IGSF11: variants seen among roughly 807,000 people sequenced by gnomAD.
IGSF11 encodes immunoglobulin superfamily member 11.
A neutral mutation model predicts 41.0 loss-of-function variants in IGSF11; 22 were observed. That is an observed-to-expected ratio of 0.54 (90% CI 0.38 to 0.77). IGSF11 has a LOEUF of 0.77. Ranked by LOEUF, IGSF11 falls within the 30% of genes least tolerant of loss-of-function variation. The pLI is 0.00. For synonymous variants in IGSF11, 219 were observed against 201.3 expected, an observed-to-expected ratio of 1.09 and a Z score of -0.74; for missense variants, 444 against 530.8, an observed-to-expected ratio of 0.84 and a Z score of 1.61.
chr3:118,956,159 A>C (rs1264139747), intron 1 of IGSF11, among the ~76,000 whole-genome samples: 1 of 152,138 alleles, frequency 6.6e-6, no homozygotes, highest in East Asian at 1.9e-4. Flanking sequence ...GAATTGAAAA[A>C]AATTAGGGCA....
chr3:118,977,663 A>G (rs1333910918), intron 1 of IGSF11, among the ~76,000 whole-genome samples: 1 of 152,116 alleles, frequency 6.6e-6, no homozygotes, highest in African/African-American at 2.4e-5. Context: ...AACGGGTGAG[A>G]GACCCCAGTG....
At chr3:119,063,360 G>GA (rs1217814434) in intron 1 of IGSF11, among the ~76,000 whole-genome samples, 2 of 152,128 alleles carry the variant, frequency 1.3e-5, no homozygotes, top group Admixed American at 6.5e-5. Flanking sequence ...TGGAACAGGT[G>GA]AAAAAATTGA....
At chr3:118,997,488 G>A (rs1437941363) in intron 1 of IGSF11, among the ~76,000 whole-genome samples, 1 of 152,050 alleles carries the variant, frequency 6.6e-6, no homozygotes, top group African/African-American at 2.4e-5. Flanking sequence ...CCTGTGATTT[G>A]CTCACTTTCT....
Position 118,944,369 on chromosome 3 carries a change from T to C in IGSF11, c.53-14094A>G, listed in dbSNP as rs76338600. Among the ~76,000 whole-genome samples, 244 of 152,080 alleles carry C rather than the reference T, an allele frequency of 1.6e-3. 3 individuals carry two copies. The highest frequency in any genetic ancestry group is 5.8e-3 in the African/African-American group (240 of 41,498). On this transcript the variant is annotated intron_variant, in intron 1 of 6. Coordinates refer to ENST00000393775, the MANE Select transcript of IGSF11 (RefSeq NM_001015887.3). ...GTTCTTCCAGCCAGTCTTACAGTAC[T>C]TTCTTCCACAGTGGGCTTTTCTCAG...
chr3:119,110,396 G>T (rs1336449492), intron 1 of IGSF11, among the ~76,000 whole-genome samples: 1 of 152,082 alleles, frequency 6.6e-6, no homozygotes, highest in Non-Finnish European at 1.5e-5. Flanking sequence ...TGTTTTATCA[G>T]AGACTAGGAT....
chr3:119,014,137 AT>A (rs1274655356), intron 1 of IGSF11, among the ~76,000 whole-genome samples: 1 of 152,118 alleles, frequency 6.6e-6, no homozygotes, highest in Non-Finnish European at 1.5e-5. Context: ...GGTAATTTAC[AT>A]TTTTTTAAAG....
chr3:118,988,568 C>A (rs1283264600), intron 1 of IGSF11, among the ~76,000 whole-genome samples: 1 of 152,076 alleles, frequency 6.6e-6, no homozygotes, highest in African/African-American at 2.4e-5. Context: ...TATTGATTAA[C>A]GATCTTTGAT....
intron 4 of IGSF11, among the ~76,000 whole-genome samples, chr3:118,908,491 T>A (rs374283867): frequency 6.6e-6 from 1 of 152,190 alleles, no homozygotes; most frequent in Non-Finnish European, 1.5e-5. Flanking sequence ...ACAAAGCACA[T>A]AGCCCTTCCC....
intron 1 of IGSF11, among the ~76,000 whole-genome samples, chr3:119,027,387 T>C (rs565023336): frequency 1.1e-4 from 17 of 152,282 alleles, no homozygotes; most frequent in Non-Finnish European, 1.9e-4. Context: ...CAGATATTCT[T>C]CACATTTTAC....
At chr3:119,109,801 G>T (rs575527479), upstream of IGSF11, among the ~76,000 whole-genome samples, 1 of 152,170 alleles carries the variant, frequency 6.6e-6, no homozygotes, top group Non-Finnish European at 1.5e-5. Flanking sequence ...CTTTGTTCTC[G>T]TTGGTTTCAA....
intron 1 of IGSF11, among the ~76,000 whole-genome samples, chr3:119,088,512 A>G (rs964355253): frequency 6.6e-6 from 1 of 152,180 alleles, no homozygotes; most frequent in East Asian, 1.9e-4. Context: ...TTGTGCCTAA[A>G]GGCACTACAA....
chr3:118,903,195 T>C (rs1012174753), intron 6 of IGSF11, among the ~76,000 whole-genome samples: 1 of 152,076 alleles, frequency 6.6e-6, no homozygotes, highest in African/African-American at 2.4e-5. Context: ...TCTCCAACAG[T>C]AGAAAAGGAA....
rs761616597 is a variant in IGSF11 at position 119,054,504 on chromosome 3, C to T, written c.49+50640G>A. Among the ~76,000 whole-genome samples, 13 of 152,008 alleles carry T rather than the reference C, an allele frequency of 8.6e-5. No homozygotes were observed. The South Asian group carries it at 1.5e-3, about 17-fold the overall frequency. ...TGATACCACCTTACTCCTGCAAGAACGGCCATAATTGAAAACTAAAAAATA... is the reference window on the plus strand; with the variant it reads ...TGATACCACCTTACTCCTGCAAGAATGGCCATAATTGAAAACTAAAAAATA... On this transcript the variant is annotated intron_variant, in intron 1 of 6. Transcript: ENST00000354673.
At chr3:118,912,472 T>C (rs1433346231) in intron 4 of IGSF11, among the ~76,000 whole-genome samples, 1 of 152,084 alleles carries the variant, frequency 6.6e-6, no homozygotes, top group Non-Finnish European at 1.5e-5. Flanking sequence ...ACATCTCCAA[T>C]CATCTCACTC....
intron 1 of IGSF11, among the ~76,000 whole-genome samples, chr3:119,031,713 C>T (rs1025944688): frequency 3.6e-4 from 55 of 152,200 alleles, no homozygotes; most frequent in African/African-American, 1.3e-3. Flanking sequence ...CTGAAATTTT[C>T]ATCCCGTAGC....
chr3:118,998,209 A>G (rs1227685493), intron 1 of IGSF11, among the ~76,000 whole-genome samples: 4 of 152,210 alleles, frequency 2.6e-5, no homozygotes, highest in Admixed American at 6.5e-5. Flanking sequence ...TTTATTATTC[A>G]GGTGATCAGA....
intron 1 of IGSF11, among the ~76,000 whole-genome samples, chr3:119,103,521 C>T (rs114248867): frequency 9.3e-4 from 141 of 152,216 alleles, no homozygotes; most frequent in African/African-American, 3.3e-3. Flanking sequence ...TTCCTTTCTG[C>T]TAAGCCAAGA....
intron 1 of IGSF11, among the ~76,000 whole-genome samples, chr3:118,987,107 C>A (rs796163570): frequency 1.3e-4 from 20 of 152,308 alleles, no homozygotes; most frequent in African/African-American, 4.6e-4. Flanking sequence ...AATCCATCAC[C>A]ATCCTTACAA....
chr3:118,920,340 T>TTAAA (rs200987239), intron 4 of IGSF11, among the ~76,000 whole-genome samples: 2,206 of 149,396 alleles, frequency 0.015, 49 homozygotes, highest in African/African-American at 0.048. Flanking sequence ...AATAAATAAA[T>TTAAA]TAAATAAATA....
Sources: gnomAD v4.1 joint callset for allele counts (sites outside exome capture counted in the v4.1 genomes callset) on GRCh38, gnomAD v4.1.1 for gene constraint, MANE v1.5 for transcripts, NCBI Gene and HGNC (gene_info 2026-07-23, HGNC 2026-07-21) for gene names.